ARHGEF38: variants seen among roughly 807,000 people sequenced by gnomAD.
ARHGEF38 encodes the protein Rho guanine nucleotide exchange factor (GEF) 38.
ARHGEF38 carries 79 observed loss-of-function variants against 79.9 expected under a neutral mutation model. The observed-to-expected ratio is 0.99, with a 90% CI of 0.82 to 1.19. The LOEUF is 1.19. Ranked by LOEUF, ARHGEF38 falls within the 50% of genes most tolerant of loss-of-function variation. ARHGEF38 has a pLI of 0.00. For missense variants in ARHGEF38, 962 were observed against 907.2 expected (o/e 1.06, Z -0.78); for synonymous variants, 366 against 328.3 (o/e 1.11, Z -1.24).
At chr4:105,612,876 G>A (rs1302897121) in intron 2 of ARHGEF38, among the ~76,000 whole-genome samples, 2 of 151,868 alleles carry the variant, frequency 1.3e-5, no homozygotes, top group Non-Finnish European at 2.9e-5. Flanking sequence ...TCCTTAATTA[G>A]TAGAATATAT....
intron 10 of ARHGEF38, among the ~76,000 whole-genome samples, chr4:105,664,355 C>A (rs1730674570): frequency 6.6e-6 from 1 of 152,202 alleles, no homozygotes. Context: ...CTTTCCAACT[C>A]TTTTAGATGA....
chr4:105,555,313 C>A (rs553011380), intron 1 of ARHGEF38, among the ~76,000 whole-genome samples: 1 of 152,082 alleles, frequency 6.6e-6, no homozygotes, highest in Non-Finnish European at 1.5e-5. Context: ...AAAAACGTAA[C>A]CCTTAAAAGA....
At chr4:105,618,457 C>T (rs557795896) in intron 3 of ARHGEF38, among the ~76,000 whole-genome samples, 79 of 152,176 alleles carry the variant, frequency 5.2e-4, no homozygotes, top group African/African-American at 1.8e-3. Flanking sequence ...CCCTACTCTA[C>T]TAAAAATGCA....
chr4:105,569,060 G>A (rs1479506884), intron 1 of ARHGEF38, among the ~76,000 whole-genome samples: 1 of 151,972 alleles, frequency 6.6e-6, no homozygotes, highest in East Asian at 1.9e-4. Context: ...ATATCAGAGG[G>A]GAACCTTAAT....
intron 2 of ARHGEF38, among the ~76,000 whole-genome samples, chr4:105,606,252 A>C (rs189444140): frequency 1.1e-3 from 164 of 152,212 alleles, no homozygotes; most frequent in Admixed American, 3.3e-3. Context: ...AACACTGAAG[A>C]CTTTTCTAGA....
chr4:105,671,392 G>T (rs1730953568), intron 13 of ARHGEF38, among the ~76,000 whole-genome samples: 1 of 152,172 alleles, frequency 6.6e-6, no homozygotes, highest in Non-Finnish European at 1.5e-5. Context: ...CAAGGGAGAA[G>T]AGAAGGCCGC....
At chr4:105,557,713 T>C (rs1725318339) in intron 1 of ARHGEF38, among the ~76,000 whole-genome samples, 1 of 151,942 alleles carries the variant, frequency 6.6e-6, no homozygotes, top group South Asian at 2.1e-4. Context: ...AGGAATAAGA[T>C]CTTCCGCATT....
At chr4:105,578,675 T>A (rs1726628482) in intron 1 of ARHGEF38, among the ~76,000 whole-genome samples, 1 of 152,190 alleles carries the variant, frequency 6.6e-6, no homozygotes, top group Non-Finnish European at 1.5e-5. Flanking sequence ...GACCTTTTTG[T>A]CTTTTACTGT....
intron 1 of ARHGEF38, among the ~76,000 whole-genome samples, chr4:105,578,084 G>A (rs1010579906): frequency 1.3e-5 from 2 of 151,924 alleles, no homozygotes; most frequent in Non-Finnish European, 2.9e-5. Context: ...TCCTTTTAGT[G>A]TTCCTTTTGC....
intron 1 of ARHGEF38, among the ~76,000 whole-genome samples, chr4:105,572,090 C>G (rs1471494696): frequency 6.6e-6 from 1 of 152,178 alleles, no homozygotes; most frequent in Non-Finnish European, 1.5e-5. Flanking sequence ...AACTCTGCAT[C>G]TTTATAAACC....
chr4:105,552,631 G>C lies in ARHGEF38; in HGVS notation c.-135G>C. On this transcript the variant is annotated 5_prime_UTR_variant, in exon 1 of 14. Transcript: ENST00000420470. ...GTAGAGGTGGTGGCAGTCACAGCCA[G>C]GTAACCCTGGAGTGAAGCGGTTTAG... 1 of 626,860 alleles carries C rather than the reference G, an allele frequency of 1.6e-6. No individual in the cohort carries two copies. The highest frequency in any genetic ancestry group is 2.6e-6 in the Non-Finnish European group (1 of 385,836). The allele number at this position is 626,860 out of a possible 1,614,324, so 38.8% of individuals were successfully genotyped here.
intron 2 of ARHGEF38, among the ~76,000 whole-genome samples, chr4:105,601,857 G>C (rs1159697406): frequency 6.6e-6 from 1 of 152,042 alleles, no homozygotes; most frequent in East Asian, 1.9e-4. Context: ...TCCTTTTGCT[G>C]TTTTTGTTTT....
At chr4:105,575,930 G>A (rs920380930) in intron 1 of ARHGEF38, among the ~76,000 whole-genome samples, 1 of 151,996 alleles carries the variant, frequency 6.6e-6, no homozygotes, top group Non-Finnish European at 1.5e-5. Context: ...TTATGTTTTT[G>A]TATGCTTTGT....
chr4:105,598,191 T>C (rs1727666144), intron 2 of ARHGEF38, among the ~76,000 whole-genome samples: 1 of 152,168 alleles, frequency 6.6e-6, no homozygotes. Context: ...AACAAACTGA[T>C]GAAAAAGCCA....
chr4:105,649,083 T>A (rs149617344), intron 7 of ARHGEF38, among the ~76,000 whole-genome samples: 1 of 152,294 alleles, frequency 6.6e-6, no homozygotes, highest in Non-Finnish European at 1.5e-5. Context: ...TACTTTTCTT[T>A]AGGGTTCCCT....
At chr4:105,657,943 T>C (rs898609090) in intron 9 of ARHGEF38, among the ~76,000 whole-genome samples, 11 of 152,004 alleles carry the variant, frequency 7.2e-5, no homozygotes, top group East Asian at 1.9e-4. Context: ...CAAATTATCA[T>C]AAAATATCAT....
chr4:105,645,057 T>C, intron 5 of ARHGEF38, 131 bp from the exon 6 acceptor site: 1 of 788,226 alleles, frequency 1.3e-6, no homozygotes, highest in South Asian at 3.4e-5. Flanking sequence ...CTTGCTTTTA[T>C]TTAGAAATTT....
At chr4:105,604,431 T>C (rs1578302621) in intron 2 of ARHGEF38, among the ~76,000 whole-genome samples, 1 of 152,202 alleles carries the variant, frequency 6.6e-6, no homozygotes, top group South Asian at 2.1e-4. Context: ...TTGAGCCTTC[T>C]GTTTCAGCCT....
At chr4:105,667,841 G>GTCT in intron 13 of ARHGEF38, 138 bp downstream of exon 13, 1 of 1,000,358 alleles carries the variant, frequency 1.0e-6, no homozygotes, top group South Asian at 1.7e-5. Flanking sequence ...TAGCACAGTG[G>GTCT]ATCTTTTTGT....
Sources: allele counts gnomAD v4.1 joint callset (sites outside exome capture counted in the v4.1 genomes callset), GRCh38; gene constraint gnomAD v4.1.1; transcripts MANE v1.5; gene names NCBI Gene and HGNC (gene_info 2026-07-23, HGNC 2026-07-21).